ATP9B: variants seen among roughly 807,000 people sequenced by gnomAD.
ATP9B encodes the protein ATPase phospholipid transporting 9B.
Under a neutral mutation model 146.1 loss-of-function variants are expected in ATP9B, and 110 were observed. The ratio of observed to expected loss-of-function variants is 0.75; its 90% CI spans 0.65 to 0.88. ATP9B has a LOEUF of 0.88. Among genes scored for constraint, ATP9B ranks in the 40% least tolerant of loss-of-function variants. The pLI is 0.00. For synonymous variants in ATP9B, 604 were observed against 569.7 expected (o/e 1.06, Z -0.86); for missense variants, 1,499 against 1,496.4 (o/e 1.00, Z -0.03).
chr18:79,242,991 A>G (rs1475294600), intron 11 of ATP9B, among the ~76,000 whole-genome samples: 4 of 152,234 alleles, frequency 2.6e-5, no homozygotes, highest in African/African-American at 9.6e-5. Context: ...TTACAAAAGA[A>G]TACAAATCCT....
intron 11 of ATP9B, among the ~76,000 whole-genome samples, chr18:79,221,119 C>T (rs747638055): frequency 1.3e-5 from 2 of 152,198 alleles, no homozygotes; most frequent in Non-Finnish European, 2.9e-5. Context: ...GTGTAAAGCC[C>T]ATAAGACTGT....
At chr18:79,123,397 A>AT (rs2094223650) in intron 4 of ATP9B, among the ~76,000 whole-genome samples, 1 of 151,542 alleles carries the variant, frequency 6.6e-6, no homozygotes, top group African/African-American at 2.4e-5. Flanking sequence ...TTGAAAAAAA[A>AT]GAAAGGTCTA....
intron 15 of ATP9B, chr18:79,307,439 G>A (rs1389709084): frequency 2.0e-5 from 14 of 687,142 alleles, no homozygotes; most frequent in Admixed American, 9.2e-5. Flanking sequence ...GCAAATGTGC[G>A]GCCGCCACAT....
chr18:79,302,548 A>G (rs1319756937), intron 13 of ATP9B, among the ~76,000 whole-genome samples: 1 of 152,226 alleles, frequency 6.6e-6, no homozygotes, highest in Non-Finnish European at 1.5e-5. Context: ...CTTTGCTTCT[A>G]TAAAGCCAAA....
Position 79,330,079 on chromosome 18 carries a change from A to G in ATP9B, c.2003A>G (p.Gln668Arg), listed in dbSNP as rs1291791687. 5 of 1,614,184 alleles carry G rather than the reference A, an allele frequency of 3.1e-6. No individual in the cohort carries two copies. Among genetic ancestry groups the G allele is most frequent in the East Asian group, 2.2e-5 (1 of 44,882 alleles). The change falls in exon 17 of 30, where the codon CAG becomes CGG. Residue 668 changes from glutamine to arginine, a missense_variant. Transcript: ENST00000426216. ...GACGTGGCCATGTCTCCTATCGTGCAGTATAATGACTGGCTGGAAGAGGAG... is the reference window on the plus strand; with the variant it reads ...GACGTGGCCATGTCTCCTATCGTGCGGTATAATGACTGGCTGGAAGAGGAG... ...GADVAMSPIV[Q>R]YNDWLEEECG...
chr18:79,118,041 C>T (rs1391595049), intron 4 of ATP9B: 2 of 152,190 alleles, frequency 1.3e-5, no homozygotes, highest in Non-Finnish European at 2.9e-5. Flanking sequence ...ATATCTACTT[C>T]ATTTTTCACT....
intron 1 of ATP9B, among the ~76,000 whole-genome samples, chr18:79,082,005 C>T (rs1184206550): frequency 6.6e-6 from 1 of 152,128 alleles, no homozygotes; most frequent in Non-Finnish European, 1.5e-5. Context: ...AGAGTGTTTT[C>T]CAACTTGGTT....
chr18:79,110,680 TG>T (rs2075951762), intron 3 of ATP9B, among the ~76,000 whole-genome samples, 175 bp downstream of exon 3: 2 of 152,350 alleles, frequency 1.3e-5, no homozygotes, highest in South Asian at 4.1e-4. Context: ...ATAATTCATA[TG>T]TATTTTTAAT....
chr18:79,322,399 G>A (rs906480729), intron 15 of ATP9B, among the ~76,000 whole-genome samples: 2 of 152,192 alleles, frequency 1.3e-5, no homozygotes, highest in South Asian at 2.1e-4. Context: ...CATCCCAAAT[G>A]TGGGGCACAG....
At chr18:79,350,783 T>TA (rs1464096950) in intron 25 of ATP9B, among the ~76,000 whole-genome samples, 15 of 151,936 alleles carry the variant, frequency 9.9e-5, no homozygotes, top group Non-Finnish European at 2.9e-5. Context: ...TTTTTTTTTT[T>TA]TTTGAGACAG....
chr18:79,254,989 A>G (rs2096064405), intron 12 of ATP9B: 1 of 151,664 alleles, frequency 6.6e-6, no homozygotes, highest in South Asian at 2.1e-4. Flanking sequence ...TCTTCTCACT[A>G]AGCCCTGTGA....
At chr18:79,198,522 TC>T (rs1185366303) in intron 9 of ATP9B, among the ~76,000 whole-genome samples, 1 of 152,212 alleles carries the variant, frequency 6.6e-6, no homozygotes, top group Non-Finnish European at 1.5e-5. Context: ...TTAGACCATT[TC>T]GTCATTGTGC....
At chr18:79,182,855 C>T (rs1405368716) in intron 8 of ATP9B, among the ~76,000 whole-genome samples, 2 of 152,180 alleles carry the variant, frequency 1.3e-5, no homozygotes, top group African/African-American at 2.4e-5. Context: ...GCCTGGATGC[C>T]GGCCCTTCTG....
chr18:79,373,268 G>T (rs540412868), intron 27 of ATP9B, among the ~76,000 whole-genome samples: 1 of 148,636 alleles, frequency 6.7e-6, no homozygotes, highest in Non-Finnish European at 1.5e-5. Flanking sequence ...GGAGATTGTT[G>T]CAAGTATAAC....
At chr18:79,164,905 GA>G (rs2094941830) in intron 7 of ATP9B, among the ~76,000 whole-genome samples, 2 of 152,154 alleles carry the variant, frequency 1.3e-5, no homozygotes, top group African/African-American at 4.8e-5. Context: ...AGGAGGTTCA[GA>G]GGGGGAAATG....
At chr18:79,231,122 C>T (rs2095787424) in intron 11 of ATP9B, among the ~76,000 whole-genome samples, 2 of 152,084 alleles carry the variant, frequency 1.3e-5, no homozygotes, top group Admixed American at 1.3e-4. Context: ...AACCCAAAAG[C>T]AAATGCAACA....
At chr18:79,206,817 T>C (rs2095538596) in intron 9 of ATP9B, 120 bp from the exon 10 acceptor site, 1 of 849,812 alleles carries the variant, frequency 1.2e-6, no homozygotes, top group Non-Finnish European at 1.8e-6. Context: ...TTGCAGTGCC[T>C]TTGCACTGCT....
chr18:79,211,453 T>C (rs1481749763), intron 10 of ATP9B, among the ~76,000 whole-genome samples: 1 of 152,216 alleles, frequency 6.6e-6, no homozygotes, highest in African/African-American at 2.4e-5. Flanking sequence ...ACCATCCACA[T>C]AGCAGCCTCT....
intron 8 of ATP9B, among the ~76,000 whole-genome samples, chr18:79,187,819 T>C (rs2095322915): frequency 6.6e-6 from 1 of 152,218 alleles, no homozygotes; most frequent in South Asian, 2.1e-4. Flanking sequence ...TGGTAATGAC[T>C]CACATAGATT....
Sources: gnomAD v4.1 joint callset for allele counts (sites outside exome capture counted in the v4.1 genomes callset) on GRCh38, gnomAD v4.1.1 for gene constraint, MANE v1.5 for transcripts, NCBI Gene and HGNC (gene_info 2026-07-23, HGNC 2026-07-21) for gene names.